PSEN1: variants seen among roughly 807,000 people sequenced by gnomAD.
The protein encoded by PSEN1 is presenilin-1.
In PSEN1, 15 loss-of-function variants were observed where a neutral mutation model predicts 53.5. The observed-to-expected ratio is 0.28, with a 90% CI of 0.19 to 0.43. The LOEUF (loss-of-function observed/expected upper bound fraction) is 0.43. Ranked by LOEUF, PSEN1 falls within the 20% of genes least tolerant of loss-of-function variation. The pLI is 1.00. For missense variants in PSEN1, 387 were observed against 571.2 expected (o/e 0.68, Z 3.29); for synonymous variants, 208 against 209.8 (o/e 0.99, Z 0.08).
intron 1 of PSEN1, among the ~76,000 whole-genome samples, chr14:73,147,096 C>A (rs1015600141): frequency 7.9e-5 from 12 of 151,610 alleles, no homozygotes; most frequent in Non-Finnish European, 1.6e-4. Flanking sequence ...AGCTTTTCTC[C>A]TGCCTCAGCC....
intron 4 of PSEN1, 29 bp from the exon 5 acceptor site, chr14:73,173,537 C>T: frequency 6.2e-7 from 1 of 1,612,328 alleles, no homozygotes; most frequent in Admixed American, 1.7e-5. Context: ...TAACACTGAC[C>T]TAGGGCTTTT....
chr14:73,173,917 A>T, intron 5 of PSEN1: 1 of 666,478 alleles, frequency 1.5e-6, no homozygotes, highest in East Asian at 2.7e-5. Flanking sequence ...TCAGAGGCTG[A>T]GGCAGGAGGA....
chr14:73,146,763 G>A (rs1356744538), intron 1 of PSEN1, among the ~76,000 whole-genome samples: 2 of 152,136 alleles, frequency 1.3e-5, no homozygotes, highest in East Asian at 3.9e-4. Flanking sequence ...AAATGAAATA[G>A]GACATTGAGA....
chr14:73,183,224 TCTCCTGCCTCAGC>T (rs1188802863), intron 5 of PSEN1, among the ~76,000 whole-genome samples: 2 of 152,146 alleles, frequency 1.3e-5, no homozygotes, highest in Non-Finnish European at 2.9e-5. Flanking sequence ...TTGAAGTGAT[TCTCCTGCCTCAGC>T]CTCCCAAATA....
intron 7 of PSEN1, among the ~76,000 whole-genome samples, 184 bp downstream of exon 7, chr14:73,193,048 T>C (rs1595035322): frequency 6.6e-6 from 1 of 152,194 alleles, no homozygotes; most frequent in African/African-American, 2.4e-5. Flanking sequence ...TGGTAGCTCA[T>C]GCCTGTAATC....
At chr14:73,149,729 A>G (rs1897165354) in intron 3 of PSEN1, among the ~76,000 whole-genome samples, 1 of 152,224 alleles carries the variant, frequency 6.6e-6, no homozygotes, top group African/African-American at 2.4e-5. Context: ...CTACCAGAGT[A>G]TAATCAAATT....
chr14:73,146,522 G>A (rs1396707082), intron 1 of PSEN1, among the ~76,000 whole-genome samples: 2 of 152,192 alleles, frequency 1.3e-5, no homozygotes, highest in Non-Finnish European at 2.9e-5. Flanking sequence ...CTGAAGGTGA[G>A]GGGAGGAGAA....
chr14:73,200,711 A>G (rs566795256), intron 8 of PSEN1, among the ~76,000 whole-genome samples: 107 of 152,066 alleles, frequency 7.0e-4, no homozygotes, highest in African/African-American at 2.4e-3. Flanking sequence ...ATCCTTGTAG[A>G]TTTTTTTTGC....
At chr14:73,149,608 G>T (rs1897162863) in intron 3 of PSEN1, among the ~76,000 whole-genome samples, 1 of 152,114 alleles carries the variant, frequency 6.6e-6, no homozygotes, top group South Asian at 2.1e-4. Context: ...GATGTGCCCA[G>T]AAGCTAGGAT....
intron 6 of PSEN1, chr14:73,189,814 A>G: frequency 3.9e-6 from 1 of 253,316 alleles, no homozygotes; most frequent in Non-Finnish European, 8.2e-6. Flanking sequence ...TAAGCTGAGC[A>G]GTGTGGAGAA....
chr14:73,204,017 A>G (rs1248484997), intron 8 of PSEN1, among the ~76,000 whole-genome samples: 1 of 152,112 alleles, frequency 6.6e-6, no homozygotes, highest in Non-Finnish European at 1.5e-5. Context: ...TATTTTTTTG[A>G]GACAGAGTTT....
At chr14:73,189,740 T>C (rs1199565751) in intron 6 of PSEN1, 1 of 162,156 alleles carries the variant, frequency 6.2e-6, no homozygotes, top group African/African-American at 2.4e-5. Flanking sequence ...TAAACAAGAA[T>C]TGTGCAAGCC....
intron 3 of PSEN1, among the ~76,000 whole-genome samples, chr14:73,169,664 A>AT (rs777972716): frequency 2.1e-3 from 295 of 141,990 alleles, no homozygotes; most frequent in Middle Eastern, 0.011. Context: ...AACCTTACCA[A>AT]TTTTTTTTTT....
At chr14:73,178,481 C>T (rs527753334) in intron 5 of PSEN1, among the ~76,000 whole-genome samples, 2 of 152,298 alleles carry the variant, frequency 1.3e-5, no homozygotes, top group East Asian at 3.9e-4. Flanking sequence ...AGCCACCATG[C>T]CTGGCTCTTT....
rs1210887227 is a variant in PSEN1, at chr14:73,220,931, G to C, written c.*1642G>C. 6.6e-6 allele frequency: 1 copy of C among 152,198 alleles called. No homozygotes were observed. Among genetic ancestry groups the C allele is most frequent in the Non-Finnish European group, 1.5e-5 (1 of 68,102 alleles). The allele number at this position is 152,198 out of a possible 1,614,324, so 9.4% of individuals were successfully genotyped here. A position where few individuals can be genotyped will look rare whatever the true frequency, so the allele number is the denominator to read the frequency against. On this transcript the variant is annotated 3_prime_UTR_variant, in exon 12 of 12. Coordinates refer to ENST00000324501, the MANE Select transcript of PSEN1 (RefSeq NM_000021.4). ...CTGATCAGACCGTAAGCGTTTATGA[G>C]AAACTTAGTTTCCTCCTGTGGCTGA...
At chr14:73,179,396 T>G (rs551228949) in intron 5 of PSEN1, among the ~76,000 whole-genome samples, 6 of 152,274 alleles carry the variant, frequency 3.9e-5, no homozygotes, top group Admixed American at 6.5e-5. Context: ...GCGGGCAGAT[T>G]GCCTGAGCTC....
chr14:73,170,907 TGAG>T lies in PSEN1; in HGVS notation c.201_203del (p.Glu69del). 1 of 1,614,156 alleles carries T rather than the reference TGAG, an allele frequency of 6.2e-7. No individual in the cohort carries two copies. On this transcript the variant is annotated inframe_deletion, in exon 4 of 12. Transcript: ENST00000324501. ...ACTCCCGGCAGGTGGTGGAGCAAGA[TGAG>T]GAAGAAGATGAGGAGCTGACATTGA...
At chr14:73,165,247 C>T (rs72734455) in intron 3 of PSEN1, among the ~76,000 whole-genome samples, 25,354 of 152,066 alleles carry the variant, frequency 0.17, 2,796 homozygotes, top group East Asian at 0.42. Flanking sequence ...TGAGCCACCA[C>T]GCCCGGCCCA....
chr14:73,178,339 C>T (rs1898106872), intron 5 of PSEN1, among the ~76,000 whole-genome samples: 1 of 151,676 alleles, frequency 6.6e-6, no homozygotes, highest in African/African-American at 2.4e-5. Context: ...AGAGATGTGC[C>T]ACCATGCCCA....
Sources: gnomAD v4.1 joint callset for allele counts (sites outside exome capture counted in the v4.1 genomes callset) on GRCh38, gnomAD v4.1.1 for gene constraint, MANE v1.5 for transcripts, NCBI Gene and HGNC (gene_info 2026-07-23, HGNC 2026-07-21) for gene names.